Variants in DNA2 observed in about 807,000 individuals in gnomAD.
DNA2 encodes DNA replication helicase/nuclease 2.
DNA2 carries 101 observed loss-of-function variants against 119.1 expected under a neutral mutation model. That is an observed-to-expected ratio of 0.85 (90% confidence interval 0.72 to 1.00). DNA2 has a LOEUF of 1.00. DNA2 is among the 50% of genes least tolerant of loss of function. The pLI, the probability that DNA2 is intolerant of heterozygous loss-of-function variation, is 0.00. For synonymous variants in DNA2, 366 were observed against 424.4 expected (o/e 0.86, Z 1.69); for missense variants, 1,121 against 1,255.5 (o/e 0.89, Z 1.62).
chr10:68,449,252 CATA>C (rs915841436), intron 6 of DNA2, among the ~76,000 whole-genome samples: 1 of 152,158 alleles, frequency 6.6e-6, no homozygotes, highest in African/African-American at 2.4e-5. Context: ...CTTCTATTGA[CATA>C]ATGTTCCTTC....
chr10:68,446,361 C>T lies in DNA2; in HGVS notation c.992G>A (p.Gly331Asp), dbSNP rs1057518366. The T allele has an allele frequency of 1.9e-6, 3 of 1,599,486 alleles. No homozygotes were observed. The highest frequency in any genetic ancestry group is 2.6e-6 in the Non-Finnish European group (3 of 1,172,750). Reference sequence around the variant, plus strand: ...ACCAGTCTTGAGGTAGAGAAGCAAGCCAGCCTCTGGATCAGCTCTTCTCTC... The same window carrying T: ...ACCAGTCTTGAGGTAGAGAAGCAAGTCAGCCTCTGGATCAGCTCTTCTCTC... ...SQERRADPEA[G>D]LLLYLKTGQM... is the part of the protein sequence containing the mutation. Residue 331 changes from glycine to aspartate, a missense_variant, in exon 7 of 21, where the codon GGC becomes GAC. Transcript: ENST00000358410.
chr10:68,468,418 AT>A, intron 2 of DNA2, 112 bp from the exon 3 acceptor site: 4 of 698,006 alleles, frequency 5.7e-6, no homozygotes, highest in Non-Finnish European at 8.3e-6. Flanking sequence ...GAAGAAAAAA[AT>A]ATTTCTAAAT....
intron 5 of DNA2, among the ~76,000 whole-genome samples, chr10:68,453,218 T>G (rs932283900): frequency 6.6e-6 from 1 of 152,114 alleles, no homozygotes; most frequent in African/African-American, 2.4e-5. Flanking sequence ...TTTTTTTAAA[T>G]GGCAACAAAA....
At chr10:68,420,014 G>A (rs2051644371) in intron 17 of DNA2, 122 bp from the exon 18 acceptor site, 3 of 768,816 alleles carry the variant, frequency 3.9e-6, no homozygotes, top group Non-Finnish European at 6.4e-6. Flanking sequence ...TCTAAAAGAT[G>A]AAGGTGAAAG....
At position 68,430,631 on chromosome 10, in the gene DNA2, G is replaced by A. The variant is rs1238751225; in HGVS notation, c.2013C>T (p.Ser671=). 4.4e-6 allele frequency: 7 copies of A among 1,601,768 alleles called. No homozygotes were observed. Among genetic ancestry groups the A allele is most frequent in the Admixed American group, 1.7e-5 (1 of 57,728 alleles). ...AGTGTGTATAGCTGGTCAACAAAAC[G>A]CTAAAACCACAGGCGTAGAGAATTC... ...LVRILYACGF[S]VLLTSYTHSA... Residue 671 remains serine (S), a synonymous_variant, in exon 14 of 21, where the codon AGC becomes AGT. Coordinates refer to ENST00000358410, the MANE Select transcript of DNA2 (RefSeq NM_001080449.3).
At position 68,459,098 on chromosome 10, in the gene DNA2, T is replaced by G. The variant is rs2052222448; in HGVS notation, c.719+6A>C. ...ACTATATATATAAACAAAATGTGTTTCTTACAGAGAGAGCTGCATCTGAGG... is the reference window on the plus strand; with the variant it reads ...ACTATATATATAAACAAAATGTGTTGCTTACAGAGAGAGCTGCATCTGAGG... On this transcript the variant is annotated splice_donor_region_variant and intron_variant, in intron 5 of 20. Transcript: ENST00000358410. 1 of 1,585,952 alleles carries G rather than the reference T, an allele frequency of 6.3e-7. No individual in the cohort carries two copies. The highest frequency in any genetic ancestry group is 8.6e-7 in the Non-Finnish European group (1 of 1,166,972).
rs2051922653 is a variant in DNA2 at position 68,438,519 on chromosome 10, C to CAG, written c.1416-1279_1416-1278insCT. On this transcript the variant is annotated intron_variant, in intron 9 of 20. Coordinates refer to ENST00000358410, the MANE Select transcript of DNA2 (RefSeq NM_001080449.3). ...AGGCAACAAGAGTGAAACTCCGTCT[C>CAG]AAAAAAAAGAAAAAAAAACCATTTA... Among the ~76,000 whole-genome samples the CAG allele has an allele frequency of 2.2e-5, 3 of 136,702 alleles. No homozygotes were observed. In the East Asian group the frequency reaches 6.6e-4, roughly 30 times the overall value. 89.7% of individuals were successfully genotyped at this position (136,702 alleles called of 152,430 possible). A position where few individuals can be genotyped will look rare whatever the true frequency, so the allele number is the denominator to read the frequency against.
At chr10:68,425,208 C>T (rs1252220273) in intron 14 of DNA2, among the ~76,000 whole-genome samples, 1 of 150,698 alleles carries the variant, frequency 6.6e-6, no homozygotes, top group Non-Finnish European at 1.5e-5. Context: ...GATTCTCCTG[C>T]CTAAGCCTCC....
intron 14 of DNA2, among the ~76,000 whole-genome samples, chr10:68,426,396 G>GGC (rs2051741322): frequency 6.6e-6 from 1 of 151,836 alleles, no homozygotes; most frequent in South Asian, 2.1e-4. Flanking sequence ...AAATTAGCCA[G>GGC]GTATGGTGGC....
At chr10:68,460,079 AT>A (rs923973157) in intron 4 of DNA2, among the ~76,000 whole-genome samples, 3 of 148,788 alleles carry the variant, frequency 2.0e-5, no homozygotes, top group African/African-American at 2.5e-5. Context: ...TAACATGGTA[AT>A]TTTTTTTCTT....
intron 19 of DNA2, 106 bp downstream of exon 19, chr10:68,418,928 C>A (rs568667888): frequency 5.9e-6 from 6 of 1,012,626 alleles, no homozygotes; most frequent in Non-Finnish European, 8.4e-6. Flanking sequence ...CCGCCTTGGC[C>A]TCCCAGGGGG....
intron 19 of DNA2, among the ~76,000 whole-genome samples, chr10:68,417,853 C>G (rs761485784): frequency 1.3e-5 from 2 of 152,066 alleles, no homozygotes; most frequent in Non-Finnish European, 2.9e-5. Context: ...GAAATCCTGT[C>G]GCATACTACA....
chr10:68,459,979 A>C (rs1412613134), intron 4 of DNA2, among the ~76,000 whole-genome samples: 1 of 151,536 alleles, frequency 6.6e-6, no homozygotes, highest in African/African-American at 2.4e-5. Flanking sequence ...GTGAGCTGAG[A>C]TCGCACCAGT....
At chr10:68,439,444 T>TAG (rs1291993025) in intron 9 of DNA2, among the ~76,000 whole-genome samples, 1 of 152,046 alleles carries the variant, frequency 6.6e-6, no homozygotes, top group Non-Finnish European at 1.5e-5. Flanking sequence ...CTAACGCTTG[T>TAG]AATCCCAGCA....
At chr10:68,422,676 A>T in intron 15 of DNA2, 21 bp downstream of exon 15, 1 of 1,613,684 alleles carries the variant, frequency 6.2e-7, no homozygotes, top group Middle Eastern at 1.6e-4. Flanking sequence ...GTTTAAAATT[A>T]ACACTTAAGT....
intron 6 of DNA2, among the ~76,000 whole-genome samples, chr10:68,447,647 C>T (rs2133408168): frequency 6.6e-6 from 1 of 151,420 alleles, no homozygotes; most frequent in East Asian, 1.9e-4. Flanking sequence ...CAAGACCGTG[C>T]CACTACATTC....
intron 10 of DNA2, among the ~76,000 whole-genome samples, chr10:68,432,984 T>A (rs1385539634): frequency 2.0e-5 from 3 of 152,062 alleles, no homozygotes; most frequent in Non-Finnish European, 4.4e-5. Flanking sequence ...CTCACGTGCC[T>A]CCAAATTCCA....
At chr10:68,462,881 C>A (rs557108400) in intron 4 of DNA2, among the ~76,000 whole-genome samples, 3 of 152,276 alleles carry the variant, frequency 2.0e-5, no homozygotes, top group South Asian at 2.1e-4. Context: ...ATAATCCCAG[C>A]ACTTTGGGAG....
intron 14 of DNA2, among the ~76,000 whole-genome samples, chr10:68,425,461 CG>C (rs1416517485): frequency 6.9e-6 from 1 of 144,966 alleles, no homozygotes; most frequent in African/African-American, 2.6e-5. Context: ...AGTACAGTGG[CG>C]GCGATCTCGG....
Sources: gnomAD v4.1 joint callset for allele counts (sites outside exome capture counted in the v4.1 genomes callset) on GRCh38, gnomAD v4.1.1 for gene constraint, MANE v1.5 for transcripts, NCBI Gene and HGNC (gene_info 2026-07-23, HGNC 2026-07-21) for gene names.